FMO1: variants seen among roughly 807,000 people sequenced by gnomAD.
FMO1 encodes flavin-containing monooxygenase 1.
FMO1 carries 36 observed loss-of-function variants against 45.4 expected under a neutral mutation model. That is an observed-to-expected ratio of 0.79 (90% confidence interval 0.61 to 1.05). FMO1 has a LOEUF of 1.05. FMO1 is among the 50% of genes least tolerant of loss of function. The pLI is 0.00. For missense variants in FMO1, 615 were observed against 640.3 expected, an observed-to-expected ratio of 0.96 and a Z score of 0.43; for synonymous variants, 228 against 227.2, an observed-to-expected ratio of 1.00 and a Z score of -0.03.
intron 2 of FMO1, among the ~76,000 whole-genome samples, chr1:171,265,116 C>G (rs28360377): frequency 6.6e-6 from 1 of 151,900 alleles, no homozygotes; most frequent in South Asian, 2.1e-4. Flanking sequence ...TCCGGCCGGG[C>G]GAGGTGGCTC....
At chr1:171,278,640 T>C (rs550749564) in intron 4 of FMO1, 89 bp from the exon 5 acceptor site, 1 of 1,030,784 alleles carries the variant, frequency 9.7e-7, no homozygotes, top group East Asian at 2.6e-5. Flanking sequence ...AAATCATCTG[T>C]CAAAAGAATG....
At chr1:171,274,140 C>T (rs1660996304) in intron 3 of FMO1, among the ~76,000 whole-genome samples, 1 of 136,044 alleles carries the variant, frequency 7.4e-6, no homozygotes, top group South Asian at 2.3e-4. Flanking sequence ...CAGAGCGAGA[C>T]TCCATCTCAA....
chr1:171,279,982 G>C (rs192377102), intron 5 of FMO1, among the ~76,000 whole-genome samples: 1 of 151,950 alleles, frequency 6.6e-6, no homozygotes, highest in East Asian at 1.9e-4. Context: ...ACTCCAACAC[G>C]AAGTGATCTC....
rs570161956 is a variant in FMO1, at chr1:171,268,492, T to C, written c.321+761T>C. Among the ~76,000 whole-genome samples the C allele has an allele frequency of 1.6e-3, 244 of 152,354 alleles. 1 individual carries two copies. The highest frequency in any genetic ancestry group is 3.7e-3 in the South Asian group (18 of 4,834). On this transcript the variant is annotated intron_variant, in intron 3 of 8. Transcript: ENST00000617670. ...AATCTTTTCTAGATATTCTTGAGAA[T>C]AGAAAAATCTTTGAATATTGTTATT...
intron 2 of FMO1, among the ~76,000 whole-genome samples, chr1:171,263,861 G>A (rs1370687145): frequency 6.6e-6 from 1 of 152,134 alleles, no homozygotes; most frequent in Admixed American, 6.5e-5. Context: ...AGATTGCACA[G>A]TGAGGCGAAC....
intron 6 of FMO1, among the ~76,000 whole-genome samples, chr1:171,281,619 T>G (rs1273578365): frequency 1.3e-5 from 2 of 152,188 alleles, no homozygotes; most frequent in African/African-American, 4.8e-5. Flanking sequence ...GACTAGAGCT[T>G]TCAGAAGTTC....
At position 171,280,807 on chromosome 1, in the gene FMO1, G is replaced by T. The variant is rs372110595; in HGVS notation, c.649G>T (p.Gly217Trp). The T allele has an allele frequency of 2.1e-5, 34 of 1,612,872 alleles. No individual in the cohort carries two copies. Among genetic ancestry groups the T allele is most frequent in the Non-Finnish European group, 2.6e-5 (31 of 1,179,760 alleles). Residue 217 changes from glycine to tryptophan, a missense_variant, in exon 6 of 9, where the codon GGG becomes TGG. Gly to Trp is a radical substitution (Grantham distance 184). Transcript: ENST00000617670. ...CCAGGTGTTCCTCAGCACCACCGGA[G>T]GGGGATGGGTGATCAGCCGAATCTT... ...AEKVFLSTTG[G>W]GWVISRIFDS...
rs1236414136 is a variant in FMO1, at chr1:171,285,531, T to C, written c.1586T>C (p.Leu529Pro). 2 of 1,506,474 alleles carry C rather than the reference T, an allele frequency of 1.3e-6. No homozygotes were observed. Among genetic ancestry groups the C allele is most frequent in the Non-Finnish European group, 8.9e-7 (1 of 1,127,664 alleles). The allele number at this position is 1,506,474 out of a possible 1,614,324, so 93.3% of individuals were successfully genotyped here. A position where few individuals can be genotyped will look rare whatever the true frequency, so the allele number is the denominator to read the frequency against. ...SFLALLVAIF[L>P]IFL is the part of the protein sequence containing the mutation. ...CTGGCTTTGCTTGTGGCTATTTTTC[T>C]GATTTTCCTATAAGTAAAAGATCTC... Residue 529 changes from leucine to proline, a missense_variant, in exon 9 of 9, where the codon CTG becomes CCG. Coordinates refer to ENST00000617670, the MANE Select transcript of FMO1 (RefSeq NM_001282693.2).
At position 171,262,008 on chromosome 1, in the gene FMO1, G is replaced by A. The variant is rs553110597; in HGVS notation, c.132+3789G>A. On this transcript the variant is annotated intron_variant, in intron 2 of 8. Transcript: ENST00000617670. Reference sequence around the variant, plus strand: ...CTCAGACTCTTGAGAGGGAGGGGAGGCTTAGGAAAGTAAAACTGTAGGTTG... The same window carrying A: ...CTCAGACTCTTGAGAGGGAGGGGAGACTTAGGAAAGTAAAACTGTAGGTTG... Among the ~76,000 whole-genome samples the A allele has an allele frequency of 3.3e-5, 5 of 152,326 alleles. No individual in the cohort carries two copies. The East Asian group carries it at 9.6e-4, about 29-fold the overall frequency.
intron 3 of FMO1, chr1:171,271,663 T>A: frequency 2.9e-6 from 2 of 679,032 alleles, no homozygotes; most frequent in Non-Finnish European, 5.3e-6. Context: ...CAGTGCTGTC[T>A]CTATGGAGCT....
chr1:171,260,541 C>T (rs1193184041), intron 2 of FMO1, among the ~76,000 whole-genome samples: 2 of 152,086 alleles, frequency 1.3e-5, no homozygotes, highest in Non-Finnish European at 1.5e-5. Flanking sequence ...TATAAGAGCA[C>T]TCACACCAGA....
rs147505776 is a variant in FMO1 at position 171,264,337 on chromosome 1, C to T, written c.133-3206C>T. On this transcript the variant is annotated intron_variant, in intron 2 of 8. Coordinates refer to ENST00000617670, the MANE Select transcript of FMO1 (RefSeq NM_001282693.2). ...ATTTGTGTGTGTGTATATATATATA[C>T]ACACACACACACACATTTATATATA... is the stretch of plus-strand genomic sequence containing the variant. Among the ~76,000 whole-genome samples, 1,145 of 143,052 alleles carry T rather than the reference C, an allele frequency of 8.0e-3. 13 individuals are homozygous for T. The highest frequency in any genetic ancestry group is 0.028 in the African/African-American group (1,050 of 37,960). 93.8% of individuals were successfully genotyped at this position (143,052 alleles called of 152,430 possible). A position where few individuals can be genotyped will look rare whatever the true frequency, so the allele number is the denominator to read the frequency against.
chr1:171,251,503 C>T (rs1659887537), intron 1 of FMO1: 1 of 151,708 alleles, frequency 6.6e-6, no homozygotes, highest in South Asian at 2.1e-4. Flanking sequence ...CTGACTTGAC[C>T]GCGCGGGTTC....
intron 1 of FMO1, among the ~76,000 whole-genome samples, chr1:171,250,584 G>C (rs1383137718): frequency 6.6e-6 from 1 of 152,096 alleles, no homozygotes; most frequent in Admixed American, 6.5e-5. Context: ...CTTTCAAGAA[G>C]AGGAAGCAGT....
chr1:171,256,708 G>C (rs902621754), intron 1 of FMO1, among the ~76,000 whole-genome samples: 1 of 151,830 alleles, frequency 6.6e-6, no homozygotes, highest in Admixed American at 6.6e-5. Flanking sequence ...CTAAAATATT[G>C]AATATTTTAG....
At chr1:171,264,560 A>G (rs1660525218) in intron 2 of FMO1, among the ~76,000 whole-genome samples, 2 of 152,000 alleles carry the variant, frequency 1.3e-5, no homozygotes, top group Non-Finnish European at 1.5e-5. Flanking sequence ...AATATGGTCC[A>G]TGGGCCAGCA....
chr1:171,258,308 G>T, intron 2 of FMO1, 89 bp downstream of exon 2: 2 of 1,491,880 alleles, frequency 1.3e-6, no homozygotes, highest in Non-Finnish European at 1.8e-6. Context: ...ACAAGGGTTG[G>T]TGGCCTTGAG....
Position 171,280,960 on chromosome 1 carries a change from A to G in FMO1, c.802A>G (p.Asn268Asp). 6.2e-7 allele frequency: 1 copy of G among 1,613,812 alleles called. No individual in the cohort carries two copies. The highest frequency in any genetic ancestry group is 1.1e-5 in the South Asian group (1 of 91,088). ...GATAAACAACTGGCTCAATCATGCA[A>G]ATTACGGCTTAATACCAGAAGACAG... ...RKINNWLNHA[N>D]YGLIPEDRTQ... Residue 268 changes from asparagine to aspartate, a missense_variant, in exon 6 of 9, where the codon AAT becomes GAT. Transcript: ENST00000617670.
intron 3 of FMO1, among the ~76,000 whole-genome samples, chr1:171,273,934 G>A (rs1660985372): frequency 6.6e-6 from 1 of 152,156 alleles, no homozygotes; most frequent in Non-Finnish European, 1.5e-5. Flanking sequence ...GGGGGGCCAA[G>A]GTGGGTGGAT....
Sources: allele counts gnomAD v4.1 joint callset (sites outside exome capture counted in the v4.1 genomes callset), GRCh38; gene constraint gnomAD v4.1.1; transcripts MANE v1.5; gene names NCBI Gene and HGNC (gene_info 2026-07-23, HGNC 2026-07-21).